UBE3A: variants seen among roughly 807,000 people sequenced by gnomAD.
UBE3A encodes the protein ubiquitin protein ligase E3A.
UBE3A carries 6 observed loss-of-function variants against 83.4 expected under a neutral mutation model. The observed-to-expected ratio is 0.07, with a 90% CI of 0.04 to 0.14. UBE3A has a LOEUF of 0.14. UBE3A is among the 10% of genes least tolerant of loss of function. The probability of loss-of-function intolerance (pLI) is 1.00; values close to 1 mark genes in which losing one functional copy is unlikely to be tolerated. For synonymous variants in UBE3A, 337 were observed against 355.4 expected, an observed-to-expected ratio of 0.95 and a Z score of 0.58; for missense variants, 456 against 1,036.1, an observed-to-expected ratio of 0.44 and a Z score of 7.69.
At chr15:25,341,183 C>T (rs969491303) in intron 11 of UBE3A, among the ~76,000 whole-genome samples, 6 of 151,636 alleles carry the variant, frequency 4.0e-5, no homozygotes, top group Admixed American at 3.3e-4. Flanking sequence ...CATTGTCCTG[C>T]CTCAGCCTCC....
rs1895997308 is a variant in UBE3A, at chr15:25,438,944, C to G, written c.-620G>C. On this transcript the variant is annotated 5_prime_UTR_variant, in exon 1 of 13. Transcript: ENST00000648336. Reference sequence around the variant, plus strand: ...TGGCGAAGGGAAAAGGCCCCGTCGTCTCCTGTAGTCACCCCGAGCCCAGCG... The same window carrying G: ...TGGCGAAGGGAAAAGGCCCCGTCGTGTCCTGTAGTCACCCCGAGCCCAGCG... The G allele has an allele frequency of 6.6e-6, 1 of 152,180 alleles. No homozygotes were observed. Among genetic ancestry groups the G allele is most frequent in the South Asian group, 2.1e-4 (1 of 4,832 alleles). The allele number at this position is 152,180 out of a possible 1,614,324, so 9.4% of individuals were successfully genotyped here.
chr15:25,405,687 TA>T, intron 3 of UBE3A, 185 bp from the exon 4 acceptor site: 1 of 637,448 alleles, frequency 1.6e-6, no homozygotes, highest in Non-Finnish European at 2.8e-6. Context: ...ACATTTATTT[TA>T]AGGGTTGGAC....
At chr15:25,350,776 G>C (rs1199155489) in intron 11 of UBE3A, among the ~76,000 whole-genome samples, 1 of 152,062 alleles carries the variant, frequency 6.6e-6, no homozygotes, top group Admixed American at 6.6e-5. Flanking sequence ...ATAAATCAAT[G>C]CAATAACATG....
rs2080152627 is a variant in UBE3A at position 25,370,505 on chromosome 15, T to C, written c.1608+61A>G. ...TTTTTTCAGTCACTTTTAAAATGAATTCACTGAACTGTATCATGATATCCC... is the reference window on the plus strand; with the variant it reads ...TTTTTTCAGTCACTTTTAAAATGAACTCACTGAACTGTATCATGATATCCC... On this transcript the variant is annotated intron_variant, in intron 6 of 12. Transcript: ENST00000648336. This position sits in a 1 kb window ranked among gnomAD's most constrained non-coding sequence, Gnocchi z 4.2. The C allele has an allele frequency of 4.4e-6, 7 of 1,590,620 alleles. No homozygotes were observed. The highest frequency in any genetic ancestry group is 5.2e-6 in the Non-Finnish European group (6 of 1,158,814).
intron 6 of UBE3A, among the ~76,000 whole-genome samples, chr15:25,364,632 G>GTTTTTTT (rs80152524): frequency 1.7e-5 from 2 of 121,172 alleles, no homozygotes; most frequent in African/African-American, 7.2e-5. Context: ...GATTTTTAGG[G>GTTTTTTT]TTTTTTTTGT....
intron 4 of UBE3A, among the ~76,000 whole-genome samples, chr15:25,396,032 G>C (rs892130685): frequency 6.6e-6 from 1 of 151,976 alleles, no homozygotes; most frequent in African/African-American, 2.4e-5. Context: ...GTGAAACTCT[G>C]TCTCTACTAA....
chr15:25,356,931 T>C, intron 7 of UBE3A, 35 bp from the exon 8 acceptor site: 1 of 1,546,762 alleles, frequency 6.5e-7, no homozygotes, highest in South Asian at 1.1e-5. Context: ...ACATTACTTT[T>C]GTATTTTATT....
At chr15:25,366,675 T>C (rs961456657) in intron 6 of UBE3A, among the ~76,000 whole-genome samples, 8 of 152,182 alleles carry the variant, frequency 5.3e-5, no homozygotes, top group Admixed American at 1.3e-4. Context: ...GCTGTCCCCA[T>C]GATCCTCTTA....
intron 1 of UBE3A, among the ~76,000 whole-genome samples, chr15:25,436,244 C>G (rs1216009411): frequency 6.6e-6 from 1 of 152,162 alleles, no homozygotes; most frequent in Non-Finnish European, 1.5e-5. Context: ...ACCGAAAGAT[C>G]ACTTCTAAAA....
chr15:25,402,399 T>A (rs539475783), intron 4 of UBE3A, among the ~76,000 whole-genome samples: 61 of 152,116 alleles, frequency 4.0e-4, no homozygotes, highest in Non-Finnish European at 7.8e-4. Context: ...GGCCTAGAAT[T>A]TGGATCACAA....
intron 1 of UBE3A, chr15:25,438,165 T>G (rs1398552201): frequency 6.6e-6 from 1 of 152,248 alleles, no homozygotes; most frequent in Non-Finnish European, 1.5e-5. Flanking sequence ...GGGCCCCGGC[T>G]GGCTCGAAGA....
chr15:25,341,272 A>G (rs893714986), intron 11 of UBE3A, among the ~76,000 whole-genome samples: 12 of 151,502 alleles, frequency 7.9e-5, no homozygotes, highest in Non-Finnish European at 1.2e-4. Context: ...GGATTTCACC[A>G]TGTTAGCCAG....
intron 11 of UBE3A, 142 bp downstream of exon 11, chr15:25,354,211 T>C (rs1489455584): frequency 1.4e-6 from 1 of 732,360 alleles, no homozygotes; most frequent in Non-Finnish European, 2.4e-6. Context: ...GGTGATTATA[T>C]TACAAATACA....
intron 5 of UBE3A, chr15:25,373,816 T>C (rs1369585429): frequency 2.0e-5 from 3 of 152,146 alleles, no homozygotes; most frequent in East Asian, 3.9e-4. Flanking sequence ...TTCAGGTATA[T>C]AGATAAAAAT....
chr15:25,343,017 A>C (rs1209990845), intron 11 of UBE3A, among the ~76,000 whole-genome samples: 1 of 152,088 alleles, frequency 6.6e-6, no homozygotes, highest in Non-Finnish European at 1.5e-5. Context: ...AATGAAAAAG[A>C]GTCTTCATTA....
intron 8 of UBE3A, among the ~76,000 whole-genome samples, 170 bp downstream of exon 8, chr15:25,356,521 T>C (rs1057497023): frequency 6.6e-6 from 1 of 152,226 alleles, no homozygotes; most frequent in Non-Finnish European, 1.5e-5. Flanking sequence ...TGTCCCCCTT[T>C]GAGTTTTTAA....
intron 4 of UBE3A, among the ~76,000 whole-genome samples, chr15:25,382,952 A>G (rs2082449027): frequency 6.6e-6 from 1 of 152,178 alleles, no homozygotes; most frequent in African/African-American, 2.4e-5. Context: ...TAACTGTCCA[A>G]CAACGCCAGG....
At chr15:25,380,296 T>C (rs989082601) in intron 4 of UBE3A, among the ~76,000 whole-genome samples, 6 of 152,072 alleles carry the variant, frequency 3.9e-5, no homozygotes, top group Non-Finnish European at 7.4e-5. Context: ...AAAGGACTAA[T>C]ACAATATACT....
intron 6 of UBE3A, among the ~76,000 whole-genome samples, chr15:25,361,636 G>GACTGTATCCAGTACATGGATGGAT (rs2078124481): frequency 2.0e-5 from 3 of 150,704 alleles, no homozygotes; most frequent in South Asian, 2.1e-4. Flanking sequence ...CTAACAGTAT[G>GACTGTATCCAGTACATGGATGGAT]ACTGTATCCA....
Sources: allele counts gnomAD v4.1 joint callset (sites outside exome capture counted in the v4.1 genomes callset), GRCh38; gene constraint gnomAD v4.1.1; non-coding constraint Gnocchi (gnomAD v3.1); transcripts MANE v1.5; gene names NCBI Gene and HGNC (gene_info 2026-07-23, HGNC 2026-07-21).